Variants in MACROD2 observed in about 807,000 individuals in gnomAD.
MACROD2 encodes ADP-ribose glycohydrolase MACROD2.
Under a neutral mutation model 70.4 loss-of-function variants are expected in MACROD2, and 36 were observed. The ratio of observed to expected loss-of-function variants is 0.51; its 90% confidence interval spans 0.39 to 0.68. The LOEUF (loss-of-function observed/expected upper bound fraction) is 0.68, where lower values mean the gene tolerates loss of function less well. Among genes scored for constraint, MACROD2 ranks in the 30% least tolerant of loss-of-function variants. The pLI is 0.00. For missense variants in MACROD2, 496 were observed against 538.4 expected (o/e 0.92, Z 0.78); for synonymous variants, 172 against 178.8 (o/e 0.96, Z 0.30).
At chr20:15,347,725 G>A (rs1460694948) in intron 6 of MACROD2, among the ~76,000 whole-genome samples, 1 of 152,062 alleles carries the variant, frequency 6.6e-6, no homozygotes, top group South Asian at 2.1e-4. Context: ...TTAAAAAATT[G>A]TCTTATCACT....
chr20:14,601,017 G>C (rs774128152), intron 4 of MACROD2, among the ~76,000 whole-genome samples: 12 of 152,158 alleles, frequency 7.9e-5, no homozygotes, highest in African/African-American at 1.2e-4. Context: ...AGACCTTGGG[G>C]AAGTGTCTTA....
chr20:15,923,533 A>G (rs1223083289), intron 10 of MACROD2, among the ~76,000 whole-genome samples: 1 of 152,156 alleles, frequency 6.6e-6, no homozygotes, highest in Non-Finnish European at 1.5e-5. Flanking sequence ...GAGTGTGGCC[A>G]CACTCATAGC....
At chr20:15,674,236 A>T (rs2050024104) in intron 8 of MACROD2, among the ~76,000 whole-genome samples, 1 of 152,112 alleles carries the variant, frequency 6.6e-6, no homozygotes, top group Admixed American at 6.5e-5. Context: ...TATAAGGGAG[A>T]ACGGAAGGGG....
chr20:15,137,322 A>G (rs67167287), intron 5 of MACROD2, among the ~76,000 whole-genome samples: 93,934 of 151,750 alleles, frequency 0.62, 29,335 homozygotes, highest in African/African-American at 0.69. Context: ...ATGTCCAACA[A>G]TGATAGACTG....
rs188211034 is a variant in MACROD2, at chr20:15,262,925, A to G, written c.540+32864A>G. ...CTATAGTGTTGTTTGAGCTCCTTAT[A>G]TATTCTGGTTATCAACCCTTTGTCA... is the stretch of plus-strand genomic sequence containing the variant. On this transcript the variant is annotated intron_variant, in intron 6 of 17. Coordinates refer to ENST00000684519, the MANE Select transcript of MACROD2 (RefSeq NM_001351661.2). 3.1e-3 allele frequency among the ~76,000 whole-genome samples: 466 copies of G among 152,128 alleles called. No individual in the cohort carries two copies. In the Middle Eastern group the frequency reaches 0.041, roughly 13 times the overall value.
intron 2 of MACROD2, among the ~76,000 whole-genome samples, chr20:14,016,444 G>A (rs1203172874): frequency 6.6e-6 from 1 of 151,986 alleles, no homozygotes; most frequent in African/African-American, 2.4e-5. Context: ...TTTTTCTCTG[G>A]TTGATTGCTT....
intron 8 of MACROD2, among the ~76,000 whole-genome samples, chr20:15,532,670 C>A (rs1019315724): frequency 7.5e-6 from 1 of 132,664 alleles, no homozygotes; most frequent in Non-Finnish European, 1.5e-5. Context: ...AATAAGCACA[C>A]CTAAAAAACA....
Position 15,082,523 on chromosome 20 carries a change from G to GTTT in MACROD2, c.419-147396_419-147394dup, listed in dbSNP as rs753606217. On this transcript the variant is annotated intron_variant, in intron 5 of 17. Coordinates refer to ENST00000684519, the MANE Select transcript of MACROD2 (RefSeq NM_001351661.2). ...TTATCACAATGTCACACTGCAAGAGGTTTTTTTTTTTTTTTTTTTTTTTCC... is the reference window on the plus strand; with the variant it reads ...TTATCACAATGTCACACTGCAAGAGGTTTTTTTTTTTTTTTTTTTTTTTTTTCC... Among the ~76,000 whole-genome samples, 106 of 101,746 alleles carry GTTT rather than the reference G, an allele frequency of 1.0e-3. 2 individuals carry two copies. Among genetic ancestry groups the GTTT allele is most frequent in the East Asian group, 2.4e-3 (7 of 2,858 alleles). The allele number at this position is 101,746 out of a possible 152,430, so 66.7% of individuals were successfully genotyped here. A position where few individuals can be genotyped will look rare whatever the true frequency, so the allele number is the denominator to read the frequency against.
chr20:14,555,449 T>C (rs1330494385), intron 4 of MACROD2, among the ~76,000 whole-genome samples: 1 of 152,024 alleles, frequency 6.6e-6, no homozygotes, highest in Non-Finnish European at 1.5e-5. Context: ...ATGTACTTAT[T>C]TAGCATTTTC....
At chr20:14,417,050 CTATCTATCTATCTATCAT>C (rs2083814575) in intron 3 of MACROD2, among the ~76,000 whole-genome samples, 1 of 80,368 alleles carries the variant, frequency 1.2e-5, no homozygotes, top group Non-Finnish European at 3.0e-5. Context: ...TATCTATTAT[CTATCTATCTATCTATCAT>C]CTATCTATCT....
At chr20:14,169,203 T>C (rs973910300) in intron 3 of MACROD2, among the ~76,000 whole-genome samples, 1 of 152,202 alleles carries the variant, frequency 6.6e-6, no homozygotes, top group African/African-American at 2.4e-5. Flanking sequence ...GAGACATACA[T>C]ACCTTAACTG....
chr20:14,265,623 ACT>A (rs1376344674), intron 3 of MACROD2, among the ~76,000 whole-genome samples: 3 of 151,948 alleles, frequency 2.0e-5, no homozygotes, highest in East Asian at 1.9e-4. Context: ...TCCATACAAC[ACT>A]CTCATGGATT....
intron 2 of MACROD2, among the ~76,000 whole-genome samples, chr20:14,046,973 A>G (rs1290426622): frequency 2.6e-5 from 4 of 152,146 alleles, no homozygotes; most frequent in African/African-American, 9.7e-5. Context: ...ATCTTGAACT[A>G]GACATCATAA....
At chr20:15,611,884 A>G (rs1242581184) in intron 8 of MACROD2, among the ~76,000 whole-genome samples, 1 of 145,808 alleles carries the variant, frequency 6.9e-6, no homozygotes, top group African/African-American at 2.6e-5. Flanking sequence ...GGCATCCTAG[A>G]TCAACATGCA....
At chr20:15,101,962 A>G (rs1367952122) in intron 5 of MACROD2, among the ~76,000 whole-genome samples, 1 of 152,046 alleles carries the variant, frequency 6.6e-6, no homozygotes, top group Non-Finnish European at 1.5e-5. Flanking sequence ...TCCTATAAGT[A>G]TTAAGAGTCC....
intron 6 of MACROD2, among the ~76,000 whole-genome samples, chr20:15,366,143 A>T (rs1600300508): frequency 6.6e-6 from 1 of 152,220 alleles, no homozygotes; most frequent in Non-Finnish European, 1.5e-5. Flanking sequence ...CAGAGTATTC[A>T]TCTTCCCACT....
intron 8 of MACROD2, among the ~76,000 whole-genome samples, chr20:15,712,342 G>A (rs1208104528): frequency 6.6e-6 from 1 of 152,210 alleles, no homozygotes; most frequent in African/African-American, 2.4e-5. Flanking sequence ...CCCACAGGCC[G>A]AATGACCCTG....
In MACROD2 at chr20:14,819,637, C is replaced by T. The variant is rs569899814; in HGVS notation, c.418+134678C>T. On this transcript the variant is annotated intron_variant, in intron 5 of 17. Transcript: ENST00000684519. ...GGGAAATTCAGTTGATAAGAGAGCCCGAAGCCAGAAGACCTCATTGATTTT... is the reference window on the plus strand; with the variant it reads ...GGGAAATTCAGTTGATAAGAGAGCCTGAAGCCAGAAGACCTCATTGATTTT... Among the ~76,000 whole-genome samples, 24 of 151,984 alleles carry T rather than the reference C, an allele frequency of 1.6e-4. No individual in the cohort carries two copies. The South Asian group carries it at 4.6e-3, about 29-fold the overall frequency.
intron 6 of MACROD2, among the ~76,000 whole-genome samples, chr20:15,379,873 A>G (rs1036729036): frequency 3.3e-5 from 5 of 152,222 alleles, no homozygotes; most frequent in African/African-American, 1.2e-4. Context: ...CCCATGACAC[A>G]TAGAATAAAG....
Sources: allele counts gnomAD v4.1 joint callset (sites outside exome capture counted in the v4.1 genomes callset), GRCh38; gene constraint gnomAD v4.1.1; transcripts MANE v1.5; gene names NCBI Gene and HGNC (gene_info 2026-07-23, HGNC 2026-07-21).